The following VAT1L variants were observed in gnomAD, a reference collection of about 807,000 sequenced individuals.
VAT1L encodes the protein putative NADPH-dependent quinone oxidoreductase VAT1L.
In VAT1L, 34 loss-of-function variants were observed where a neutral mutation model predicts 44.1. That is an observed-to-expected ratio of 0.77 (90% CI 0.59 to 1.03). The LOEUF (loss-of-function observed/expected upper bound fraction) is 1.03, where lower values mean the gene tolerates loss of function less well. Ranked by LOEUF, VAT1L falls within the 50% of genes least tolerant of loss-of-function variation. VAT1L has a pLI of 0.00. For missense variants in VAT1L, 615 were observed against 538.8 expected, an observed-to-expected ratio of 1.14 and a Z score of -1.40; for synonymous variants, 253 against 202.2, an observed-to-expected ratio of 1.25 and a Z score of -2.13.
At chr16:77,934,936 T>C (rs931255447) in intron 7 of VAT1L, among the ~76,000 whole-genome samples, 4 of 152,160 alleles carry the variant, frequency 2.6e-5, no homozygotes, top group Non-Finnish European at 4.4e-5. Context: ...AGCAGCTTAA[T>C]GGACCTGCCT....
chr16:77,977,465 A>T, intron 8 of VAT1L, 132 bp from the exon 9 acceptor site: 1 of 815,876 alleles, frequency 1.2e-6, no homozygotes, highest in East Asian at 2.7e-5. Context: ...CTAATCCTGC[A>T]TTGCCTTCCA....
intron 7 of VAT1L, among the ~76,000 whole-genome samples, chr16:77,916,966 T>C (rs1216637928): frequency 6.6e-6 from 1 of 152,194 alleles, no homozygotes; most frequent in Non-Finnish European, 1.5e-5. Flanking sequence ...CTAATAGACA[T>C]TGTTTTGACT....
In VAT1L at chr16:77,788,679, C is replaced by T. The variant is rs1024499703; in HGVS notation, c.-4C>T. On this transcript the variant is annotated 5_prime_UTR_variant, in exon 1 of 9. Transcript: ENST00000302536. ...AGCCCGTGCGCCCCGCGCCCTCGAG[C>T]GCCATGGCCAAGGAAGGCGTGGAGA... 5 of 1,548,638 alleles carry T rather than the reference C, an allele frequency of 3.2e-6. No homozygotes were observed. The African/African-American group carries it at 6.9e-5, about 21-fold the overall frequency.
intron 3 of VAT1L, among the ~76,000 whole-genome samples, chr16:77,856,766 A>C (rs1423045307): frequency 1.3e-5 from 2 of 152,154 alleles, no homozygotes; most frequent in East Asian, 3.9e-4. Context: ...CCATCCAAAG[A>C]GTAATTGATG....
rs923250051 is a variant in VAT1L at position 77,940,349 on chromosome 16, T to TTG, written c.1078-31500_1078-31499insGT. 6.6e-4 allele frequency among the ~76,000 whole-genome samples: 99 copies of TTG among 149,050 alleles called. 1 individual carries two copies. The highest frequency in any genetic ancestry group is 2.4e-3 in the African/African-American group (97 of 40,364). On this transcript the variant is annotated intron_variant, in intron 7 of 8. Transcript: ENST00000302536. ...TCTAACATACCACTTGGTTTTTTTT[T>TTG]TTTTTTTTTTTGGAGACAGACTCTC...
At chr16:77,878,747 T>C (rs2017116281) in intron 5 of VAT1L, among the ~76,000 whole-genome samples, 1 of 152,140 alleles carries the variant, frequency 6.6e-6, no homozygotes, top group African/African-American at 2.4e-5. Context: ...ACCATTTAGG[T>C]ACCCAGTCCA....
chr16:77,958,944 G>A (rs2018133470), intron 7 of VAT1L, among the ~76,000 whole-genome samples: 1 of 152,142 alleles, frequency 6.6e-6, no homozygotes, highest in Non-Finnish European at 1.5e-5. Flanking sequence ...ATAATAGCTG[G>A]TTGAATGTTT....
At chr16:77,797,494 C>T (rs2015959244) in intron 1 of VAT1L, among the ~76,000 whole-genome samples, 1 of 152,186 alleles carries the variant, frequency 6.6e-6, no homozygotes, top group African/African-American at 2.4e-5. Flanking sequence ...TATTGCTGCC[C>T]TCCCACCAGC....
At chr16:77,925,202 C>T (rs369723001) in intron 7 of VAT1L, among the ~76,000 whole-genome samples, 1 of 152,074 alleles carries the variant, frequency 6.6e-6, no homozygotes, top group Non-Finnish European at 1.5e-5. Flanking sequence ...AGGAGGCACT[C>T]ACTCTCAGGT....
chr16:77,813,866 T>G (rs527273786), intron 1 of VAT1L, among the ~76,000 whole-genome samples: 1 of 152,322 alleles, frequency 6.6e-6, no homozygotes, highest in African/African-American at 2.4e-5. Flanking sequence ...CCCACATTGG[T>G]GCAGTCAGTT....
chr16:77,867,057 G>A (rs1259712711), intron 4 of VAT1L, among the ~76,000 whole-genome samples: 6 of 152,172 alleles, frequency 3.9e-5, no homozygotes, highest in Non-Finnish European at 7.4e-5. Context: ...ATCCTGCTAC[G>A]AGTTCAATTA....
At chr16:77,951,831 G>C (rs1383470862) in intron 7 of VAT1L, among the ~76,000 whole-genome samples, 4 of 50,824 alleles carry the variant, frequency 7.9e-5, no homozygotes, top group African/African-American at 1.9e-4. Flanking sequence ...ACTTTTAAAA[G>C]TTTAAAATTA....
chr16:77,957,393 A>G (rs2018114806), intron 7 of VAT1L, among the ~76,000 whole-genome samples: 1 of 152,172 alleles, frequency 6.6e-6, no homozygotes, highest in South Asian at 2.1e-4. Flanking sequence ...CCCTGAGTTG[A>G]GGGTTTTGTT....
chr16:77,877,907 G>A (rs1413020335), intron 5 of VAT1L, among the ~76,000 whole-genome samples: 1 of 152,164 alleles, frequency 6.6e-6, no homozygotes, highest in Non-Finnish European at 1.5e-5. Flanking sequence ...TGGACGTGTG[G>A]TTTATTATTA....
intron 7 of VAT1L, among the ~76,000 whole-genome samples, chr16:77,950,992 G>C (rs771687330): frequency 7.2e-5 from 11 of 152,190 alleles, no homozygotes; most frequent in Admixed American, 5.2e-4. Flanking sequence ...GCTGGAAAGA[G>C]AGCCAGCCAG....
intron 1 of VAT1L, among the ~76,000 whole-genome samples, chr16:77,792,274 A>G (rs1015503279): frequency 6.6e-6 from 1 of 152,170 alleles, no homozygotes; most frequent in African/African-American, 2.4e-5. Context: ...TGTATATAAT[A>G]TAGGCAATAT....
intron 8 of VAT1L, 150 bp downstream of exon 8, chr16:77,972,083 G>A (rs553811066): frequency 4.4e-6 from 3 of 678,112 alleles, no homozygotes; most frequent in Admixed American, 3.0e-5. Context: ...TCATACATGA[G>A]GGATTCATGA....
intron 3 of VAT1L, among the ~76,000 whole-genome samples, chr16:77,853,271 C>T (rs2016824793): frequency 1.3e-5 from 2 of 152,148 alleles, no homozygotes; most frequent in African/African-American, 2.4e-5. Flanking sequence ...GTTGGTCATG[C>T]CCTGATCTAC....
intron 7 of VAT1L, among the ~76,000 whole-genome samples, chr16:77,917,793 T>A (rs1398110497): frequency 6.6e-6 from 1 of 151,562 alleles, no homozygotes; most frequent in African/African-American, 2.4e-5. Context: ...ATAAGGAGAG[T>A]GTATGATTTC....
Sources: allele counts gnomAD v4.1 joint callset (sites outside exome capture counted in the v4.1 genomes callset), GRCh38; gene constraint gnomAD v4.1.1; transcripts MANE v1.5; gene names NCBI Gene and HGNC (gene_info 2026-07-23, HGNC 2026-07-21).